Variants in DDX31 observed in about 807,000 individuals in gnomAD.
DDX31 encodes the protein ATP-dependent DNA helicase DDX31.
Under a neutral mutation model 91.3 loss-of-function variants are expected in DDX31, and 70 were observed. That is an observed-to-expected ratio of 0.77 (90% CI 0.63 to 0.94). The LOEUF (loss-of-function observed/expected upper bound fraction) is 0.94, where lower values mean the gene tolerates loss of function less well. DDX31 is among the 40% of genes least tolerant of loss of function. The probability of loss-of-function intolerance (pLI) is 0.00; values close to 1 mark genes in which losing one functional copy is unlikely to be tolerated. For synonymous variants in DDX31, 362 were observed against 350.6 expected (o/e 1.03, Z -0.36); for missense variants, 902 against 925.0 (o/e 0.98, Z 0.32).
At chr9:132,636,755 C>T (rs1375705006) in intron 14 of DDX31, among the ~76,000 whole-genome samples, 3 of 152,182 alleles carry the variant, frequency 2.0e-5, no homozygotes, top group African/African-American at 4.8e-5. Flanking sequence ...TTCTCTCCCC[C>T]AGATTTAACT....
intron 18 of DDX31, 60 bp from the exon 19 acceptor site, chr9:132,612,315 T>A (rs957512364): frequency 6.2e-7 from 1 of 1,600,134 alleles, no homozygotes; most frequent in African/African-American, 1.3e-5. Flanking sequence ...AGCTCCAAAG[T>A]GCCCGGCCTA....
chr9:132,663,334 C>G (rs1482155123), intron 1 of DDX31: 1 of 1,287,780 alleles, frequency 7.8e-7, no homozygotes, highest in Non-Finnish European at 1.0e-6. Flanking sequence ...AATGAGAATG[C>G]TGCTCCATCC....
At chr9:132,615,052 C>G (rs12685594) in intron 18 of DDX31, among the ~76,000 whole-genome samples, 1 of 152,042 alleles carries the variant, frequency 6.6e-6, no homozygotes, top group African/African-American at 2.4e-5. Flanking sequence ...GGGACCCACA[C>G]AAGCGGAAGG....
intron 11 of DDX31, among the ~76,000 whole-genome samples, chr9:132,647,699 C>T (rs1222026588): frequency 6.6e-6 from 1 of 152,076 alleles, no homozygotes; most frequent in Non-Finnish European, 1.5e-5. Context: ...CTTTTCCAAG[C>T]CTTCGTGTTC....
Position 132,625,698 on chromosome 9 carries a change from T to A in DDX31, c.1679A>T (p.Asp560Val). Residue 560 changes from aspartate (D) to valine (V), a missense_variant, in exon 17 of 20, where the codon GAT becomes GTT. Physicochemically the swap from Asp to Val is radical, Grantham distance 152. Transcript: ENST00000372159. ...MEDILCVLTR[D>V]DCFKGKRWGA... is the part of the protein sequence containing the mutation. ...CCATCGTTTCCCTTTAAAACAATCA[T>A]CTCTTGTCAGAACACACAAAATATC... 1 of 1,613,928 alleles carries A rather than the reference T, an allele frequency of 6.2e-7. No homozygotes were observed. The highest frequency in any genetic ancestry group is 8.5e-7 in the Non-Finnish European group (1 of 1,179,988).
chr9:132,637,674 A>C (rs1833207968), intron 14 of DDX31, among the ~76,000 whole-genome samples: 1 of 152,188 alleles, frequency 6.6e-6, no homozygotes, highest in Non-Finnish European at 1.5e-5. Context: ...GGGCTGCGTA[A>C]TCAGAGGAGG....
At chr9:132,648,345 G>A (rs1833964045) in intron 10 of DDX31, 50 bp from the exon 11 acceptor site, 1 of 1,605,110 alleles carries the variant, frequency 6.2e-7, no homozygotes, top group East Asian at 2.2e-5. Context: ...AAGAGCAGAT[G>A]TGGTCTAAGG....
At chr9:132,641,892 T>G in intron 14 of DDX31, 112 bp downstream of exon 14, 2 of 1,074,488 alleles carry the variant, frequency 1.9e-6, no homozygotes, top group East Asian at 4.9e-5. Context: ...GGGCCCCTAG[T>G]GTTCCTGGGC....
chr9:132,612,047 C>T (rs1435479395), intron 19 of DDX31, 40 bp downstream of exon 19: 2 of 1,591,090 alleles, frequency 1.3e-6, no homozygotes, highest in African/African-American at 1.3e-5. Flanking sequence ...GTGAACGGAG[C>T]TCTCTAGCCC....
chr9:132,665,539 C>T (rs1466937648), intron 1 of DDX31, among the ~76,000 whole-genome samples: 4 of 152,126 alleles, frequency 2.6e-5, no homozygotes, highest in East Asian at 3.9e-4. Flanking sequence ...AAGAATGCTT[C>T]GTGAGGTAGC....
intron 1 of DDX31, among the ~76,000 whole-genome samples, chr9:132,664,410 T>TA (rs1425734473): frequency 2.0e-5 from 3 of 152,060 alleles, no homozygotes; most frequent in African/African-American, 7.2e-5. Context: ...TAGGCTGAAC[T>TA]AAAAAATCTG....
intron 9 of DDX31, among the ~76,000 whole-genome samples, chr9:132,649,776 G>A (rs931623823): frequency 1.3e-5 from 2 of 152,282 alleles, no homozygotes; most frequent in Admixed American, 6.5e-5. Context: ...TTGTTGCAAC[G>A]ATTTTCAACT....
chr9:132,648,113 A>T (rs898792972), intron 11 of DDX31, 76 bp downstream of exon 11: 4 of 1,272,224 alleles, frequency 3.1e-6, no homozygotes, highest in Non-Finnish European at 4.4e-6. Context: ...TCACTGCAGC[A>T]AACAACCCAG....
At chr9:132,629,045 G>A (rs1832570117) in intron 16 of DDX31, among the ~76,000 whole-genome samples, 1 of 152,242 alleles carries the variant, frequency 6.6e-6, no homozygotes, top group African/African-American at 2.4e-5. Context: ...CCTGGTGGGT[G>A]TCAGCCTCGA....
At chr9:132,651,171 TTA>T in intron 7 of DDX31, 55 bp from the exon 8 acceptor site, 7 of 1,442,462 alleles carry the variant, frequency 4.9e-6, no homozygotes, top group Middle Eastern at 1.8e-4. Flanking sequence ...TTTTTTTTTT[TTA>T]AAGACAATTT....
At chr9:132,628,958 G>C (rs1707626201) in intron 16 of DDX31, among the ~76,000 whole-genome samples, 1 of 152,258 alleles carries the variant, frequency 6.6e-6, no homozygotes, top group African/African-American at 2.4e-5. Flanking sequence ...TGTGAGAACA[G>C]GGTCAGGGAG....
At chr9:132,637,367 C>T (rs1833184298) in intron 14 of DDX31, among the ~76,000 whole-genome samples, 1 of 152,226 alleles carries the variant, frequency 6.6e-6, no homozygotes, top group African/African-American at 2.4e-5. Flanking sequence ...AGACACTCAA[C>T]GGTGAGGCCT....
chr9:132,659,815 A>C, intron 4 of DDX31, 35 bp from the exon 5 acceptor site: 1 of 1,602,674 alleles, frequency 6.2e-7, no homozygotes, highest in Non-Finnish European at 8.5e-7. Flanking sequence ...CACTTTACCT[A>C]TATTACCCAG....
intron 6 of DDX31, among the ~76,000 whole-genome samples, chr9:132,655,588 A>G (rs539996609): frequency 4.3e-4 from 65 of 152,330 alleles, no homozygotes; most frequent in African/African-American, 1.5e-3. Context: ...GTGGGAATAG[A>G]TGACTTTACT....
Sources: allele counts gnomAD v4.1 joint callset (sites outside exome capture counted in the v4.1 genomes callset), GRCh38; gene constraint gnomAD v4.1.1; transcripts MANE v1.5; gene names NCBI Gene and HGNC (gene_info 2026-07-23, HGNC 2026-07-21).